The following PDE7B variants were observed in gnomAD, a reference collection of about 807,000 sequenced individuals.
PDE7B encodes the protein phosphodiesterase 7B, also known as 3',5'-cyclic-AMP phosphodiesterase 7B.
A neutral mutation model predicts 56.2 loss-of-function variants in PDE7B; 29 were observed. The ratio of observed to expected loss-of-function variants is 0.52; its 90% confidence interval spans 0.38 to 0.70. PDE7B has a LOEUF of 0.70. Among genes scored for constraint, PDE7B ranks in the 30% least tolerant of loss-of-function variants. The pLI, the probability that PDE7B is intolerant of heterozygous loss-of-function variation, is 0.00. For missense variants in PDE7B, 490 were observed against 565.0 expected (o/e 0.87, Z 1.35); for synonymous variants, 197 against 196.9 (o/e 1.00, Z 0.00).
intron 2 of PDE7B, among the ~76,000 whole-genome samples, chr6:135,972,983 C>T (rs1002114302): frequency 6.6e-6 from 1 of 152,058 alleles, no homozygotes; most frequent in Non-Finnish European, 1.5e-5. Context: ...GTGGTAAGAC[C>T]ACTTAACAGG....
intron 1 of PDE7B, among the ~76,000 whole-genome samples, chr6:135,939,131 A>G (rs1774467260): frequency 6.6e-6 from 1 of 152,192 alleles, no homozygotes; most frequent in Admixed American, 6.5e-5. Flanking sequence ...TAGCATTAAT[A>G]TCTTTCAAGT....
At chr6:135,860,056 AAAATGT>A (rs946755807) in intron 1 of PDE7B, among the ~76,000 whole-genome samples, 9 of 152,074 alleles carry the variant, frequency 5.9e-5, no homozygotes, top group African/African-American at 2.2e-4. Flanking sequence ...TCAGGTGTCT[AAAATGT>A]AAATGTAAAC....
intron 1 of PDE7B, among the ~76,000 whole-genome samples, chr6:135,913,159 T>C (rs559900618): frequency 6.6e-6 from 1 of 152,314 alleles, no homozygotes; most frequent in South Asian, 2.1e-4. Context: ...AACAACTTTA[T>C]AAATTGAGTA....
chr6:136,081,645 CAGAT>C (rs888917044), intron 2 of PDE7B, among the ~76,000 whole-genome samples: 5 of 152,114 alleles, frequency 3.3e-5, no homozygotes, highest in Admixed American at 6.6e-5. Context: ...TCAAAACAAA[CAGAT>C]AGGCAAAGAA....
intron 1 of PDE7B, among the ~76,000 whole-genome samples, chr6:135,925,589 C>T (rs1326081318): frequency 2.0e-5 from 3 of 152,076 alleles, no homozygotes; most frequent in Non-Finnish European, 4.4e-5. Flanking sequence ...TGCCACAAAA[C>T]ACCCAAGGGA....
chr6:136,072,494 T>A (rs1031888421), intron 2 of PDE7B: 3 of 152,246 alleles, frequency 2.0e-5, no homozygotes, highest in African/African-American at 7.2e-5. Context: ...CCAGCCCTGT[T>A]TATTTTTCTA....
intron 1 of PDE7B, among the ~76,000 whole-genome samples, chr6:135,908,042 A>G (rs1018700737): frequency 1.3e-5 from 2 of 152,134 alleles, no homozygotes; most frequent in African/African-American, 2.4e-5. Context: ...AAAGTTAGAT[A>G]ATATTTTGTG....
chr6:136,177,250 G>T (rs892069561), intron 9 of PDE7B, among the ~76,000 whole-genome samples: 5 of 151,978 alleles, frequency 3.3e-5, no homozygotes, highest in Non-Finnish European at 7.4e-5. Context: ...ATCACTTGAG[G>T]CCAGGAGTTC....
At chr6:136,153,794 A>T (rs1001540855) in intron 6 of PDE7B, among the ~76,000 whole-genome samples, 1 of 152,132 alleles carries the variant, frequency 6.6e-6, no homozygotes, top group Admixed American at 6.6e-5. Flanking sequence ...GACAGCCTTT[A>T]TGAATGTCAG....
Position 135,979,603 on chromosome 6 carries a change from T to C in PDE7B, c.82+32079T>C, listed in dbSNP as rs539214346. On this transcript the variant is annotated intron_variant, in intron 2 of 12. Transcript: ENST00000308191. ...ATTCAACTTCTTCCTGGATTAGTCT[T>C]GGGAGAGTGTATGTGTAAAAATCAC... Among the ~76,000 whole-genome samples the C allele has an allele frequency of 9.2e-5, 14 of 152,226 alleles. No individual in the cohort carries two copies. The South Asian group carries it at 2.9e-3, about 32-fold the overall frequency.
intron 11 of PDE7B, 105 bp downstream of exon 11, chr6:136,181,428 A>T (rs1031138111): frequency 1.2e-5 from 9 of 747,930 alleles, no homozygotes; most frequent in Middle Eastern, 2.4e-4. Flanking sequence ...TTGTTCTCTC[A>T]TCAACTCTTG....
chr6:136,148,437 A>C (rs1324637686), intron 4 of PDE7B, among the ~76,000 whole-genome samples: 1 of 45,478 alleles, frequency 2.2e-5, no homozygotes, highest in Non-Finnish European at 4.0e-5. Context: ...GGAAAGGGAG[A>C]GAGGAGGGTG....
At chr6:136,051,394 G>T (rs1167778376) in intron 2 of PDE7B, among the ~76,000 whole-genome samples, 4 of 152,232 alleles carry the variant, frequency 2.6e-5, no homozygotes, top group Non-Finnish European at 5.9e-5. Context: ...GCGAGTTCTT[G>T]AGTGCCAGTC....
intron 1 of PDE7B, among the ~76,000 whole-genome samples, chr6:135,910,335 T>C (rs962339457): frequency 6.6e-6 from 1 of 152,236 alleles, no homozygotes. Flanking sequence ...AGTATCACAG[T>C]CAGCACTTTA....
At chr6:136,109,742 A>G (rs1055611989) in intron 3 of PDE7B, among the ~76,000 whole-genome samples, 5 of 152,164 alleles carry the variant, frequency 3.3e-5, no homozygotes, top group Non-Finnish European at 7.4e-5. Flanking sequence ...AACCCAAACC[A>G]GTGACCAGTC....
chr6:136,089,499 C>A (rs538465964), intron 2 of PDE7B, among the ~76,000 whole-genome samples: 1 of 152,192 alleles, frequency 6.6e-6, no homozygotes, highest in African/African-American at 2.4e-5. Context: ...ATTTGATGAC[C>A]CTGGTACTCA....
intron 8 of PDE7B, among the ~76,000 whole-genome samples, chr6:136,170,683 G>C (rs2128449719): frequency 6.6e-6 from 1 of 152,266 alleles, no homozygotes; most frequent in Non-Finnish European, 1.5e-5. Flanking sequence ...TGAAAGTCAA[G>C]ATAGAGGGGG....
At chr6:136,169,197 T>C (rs1778843857) in intron 8 of PDE7B, among the ~76,000 whole-genome samples, 1 of 152,150 alleles carries the variant, frequency 6.6e-6, no homozygotes, top group Admixed American at 6.5e-5. Flanking sequence ...GAGTTGGTGT[T>C]TGATAAATGT....
At chr6:136,018,444 C>T (rs769515021) in intron 2 of PDE7B, among the ~76,000 whole-genome samples, 4 of 152,126 alleles carry the variant, frequency 2.6e-5, no homozygotes, top group Non-Finnish European at 1.5e-5. Context: ...AGAGCTAACC[C>T]GATTCAAAAT....
Sources: gnomAD v4.1 joint callset for allele counts (sites outside exome capture counted in the v4.1 genomes callset) on GRCh38, gnomAD v4.1.1 for gene constraint, MANE v1.5 for transcripts, NCBI Gene and HGNC (gene_info 2026-07-23, HGNC 2026-07-21) for gene names.